PCDHGA4: variants seen among roughly 807,000 people sequenced by gnomAD.
PCDHGA4 encodes the protein protocadherin gamma-A4.
A neutral mutation model predicts 54.6 loss-of-function variants in PCDHGA4; 38 were observed. The ratio of observed to expected loss-of-function variants is 0.70; its 90% CI spans 0.54 to 0.91. The LOEUF is 0.91. Ranked by LOEUF, PCDHGA4 falls within the 40% of genes least tolerant of loss-of-function variation. The probability of loss-of-function intolerance (pLI) is 0.00; values close to 1 mark genes in which losing one functional copy is unlikely to be tolerated. For synonymous variants in PCDHGA4, 511 were observed against 512.9 expected (o/e 1.00, Z 0.05); for missense variants, 1,298 against 1,220.9 (o/e 1.06, Z -0.94).
intron 1 of PCDHGA4, chr5:141,388,157 C>T (rs750936402): frequency 1.4e-6 from 2 of 1,469,104 alleles, no homozygotes; most frequent in Non-Finnish European, 1.9e-6. Flanking sequence ...GCAGGCTAGA[C>T]AGGGAGGAGA....
rs1464961193 is a variant in PCDHGA4 at position 141,432,346 on chromosome 5, A to G, written c.2515-62461A>G. The G allele has an allele frequency of 6.2e-7, 1 of 1,614,192 alleles. No homozygotes were observed. Among genetic ancestry groups the G allele is most frequent in the African/African-American group, 1.3e-5 (1 of 75,054 alleles). On this transcript the variant is annotated intron_variant, in intron 1 of 3. Coordinates refer to ENST00000571252, the MANE Select transcript of PCDHGA4 (RefSeq NM_018917.4). This position sits in a 1 kb window ranked among gnomAD's most constrained non-coding sequence, Gnocchi z 6.0. ...ACTACGAGCAGTTCCGAGACTTGCA[A>G]GTGAAAGTGATGGCGCGGGACAACG...
chr5:141,413,081 C>A, intron 1 of PCDHGA4: 2 of 1,339,424 alleles, frequency 1.5e-6, no homozygotes, highest in Non-Finnish European at 2.0e-6. Context: ...GCCCAGGCTA[C>A]AGAGACACCC....
rs1331251272 is a variant in PCDHGA4 at position 141,394,996 on chromosome 5, C to G, written c.2514+37375C>G. The G allele has an allele frequency of 3.1e-6, 5 of 1,614,034 alleles. No individual in the cohort carries two copies. In the South Asian group the frequency reaches 5.5e-5, roughly 18 times the overall value. On this transcript the variant is annotated intron_variant, in intron 1 of 3. Coordinates refer to ENST00000571252, the MANE Select transcript of PCDHGA4 (RefSeq NM_018917.4). ...CACAAGTCACGCCTGCTCCAGGATTCCGGTGGCAGATTGGTAGGCGTGCCT... is the reference window on the plus strand; with the variant it reads ...CACAAGTCACGCCTGCTCCAGGATTGCGGTGGCAGATTGGTAGGCGTGCCT...
intron 1 of PCDHGA4, chr5:141,384,038 G>C (rs1779701578): frequency 6.2e-7 from 1 of 1,613,110 alleles, no homozygotes; most frequent in East Asian, 2.2e-5. Flanking sequence ...GGAAAGAATG[G>C]TGAGGTGACC....
At chr5:141,396,410 G>C (rs2093377441) in intron 1 of PCDHGA4, 1 of 152,250 alleles carries the variant, frequency 6.6e-6, no homozygotes, top group Non-Finnish European at 1.5e-5. Context: ...CCTGAGGTCA[G>C]GAGTTCAAGA....
At chr5:141,448,663 G>A (rs1195703194) in intron 1 of PCDHGA4, among the ~76,000 whole-genome samples, 3 of 151,920 alleles carry the variant, frequency 2.0e-5, no homozygotes, top group African/African-American at 7.3e-5. Flanking sequence ...CATATTGGCC[G>A]GGCGCGGTGG....
Position 141,432,979 on chromosome 5 carries a change from TGTGGGC to T in PCDHGA4, c.2515-61823_2515-61818del. 1 of 1,614,228 alleles carries T rather than the reference TGTGGGC, an allele frequency of 6.2e-7. No individual in the cohort carries two copies. On this transcript the variant is annotated intron_variant, in intron 1 of 3. Coordinates refer to ENST00000571252, the MANE Select transcript of PCDHGA4 (RefSeq NM_018917.4). The surrounding 1 kb of genome is among the most constrained non-coding windows in gnomAD (Gnocchi z 6.0). ...TGACAGGAGCGCCGGCGTCGCACTTTGTGGGCGTGGACGGGGTGCAGGCTTTCCTGC... is the reference window on the plus strand; with the variant it reads ...TGACAGGAGCGCCGGCGTCGCACTTTGTGGACGGGGTGCAGGCTTTCCTGC...
At chr5:141,394,684 G>C in intron 1 of PCDHGA4, 1 of 1,612,090 alleles carries the variant, frequency 6.2e-7, no homozygotes, top group South Asian at 1.1e-5. Flanking sequence ...CTGCACACGG[G>C]CGAGGTGCGC....
intron 1 of PCDHGA4, among the ~76,000 whole-genome samples, chr5:141,451,542 G>A (rs1023356681): frequency 3.3e-5 from 5 of 152,148 alleles, no homozygotes; most frequent in Non-Finnish European, 7.3e-5. Context: ...GCCAGAGAGG[G>A]CAAATGTGAT....
chr5:141,366,312 C>T (rs889893498), intron 1 of PCDHGA4: 5 of 1,613,630 alleles, frequency 3.1e-6, no homozygotes, highest in Admixed American at 3.3e-5. Flanking sequence ...TTCACGGTCA[C>T]CGTTGCCGTG....
intron 1 of PCDHGA4, chr5:141,397,859 C>T: frequency 1.8e-6 from 1 of 559,674 alleles, no homozygotes. Context: ...CTGTAGTTTC[C>T]TAGTGCTGAC....
At position 141,431,203 on chromosome 5, in the gene PCDHGA4, T is replaced by C. The variant is rs139061906; in HGVS notation, c.2515-63604T>C. On this transcript the variant is annotated intron_variant, in intron 1 of 3. Coordinates refer to ENST00000571252, the MANE Select transcript of PCDHGA4 (RefSeq NM_018917.4). This position sits in a 1 kb window ranked among gnomAD's most constrained non-coding sequence, Gnocchi z 4.8. ...TAAAAATTAGTGAAAATGCAGCCACTGAGATGCGGTTCCCTCTACCCCACG... is the reference window on the plus strand; with the variant it reads ...TAAAAATTAGTGAAAATGCAGCCACCGAGATGCGGTTCCCTCTACCCCACG... The C allele has an allele frequency of 3.1e-6, 5 of 1,614,116 alleles. No individual in the cohort carries two copies. The highest frequency in any genetic ancestry group is 1.1e-5 in the South Asian group (1 of 91,090).
At chr5:141,389,691 T>A in intron 1 of PCDHGA4, 1 of 1,612,564 alleles carries the variant, frequency 6.2e-7, no homozygotes, top group Non-Finnish European at 8.5e-7. Flanking sequence ...CGCCTGGCTG[T>A]CCTACCACGT....
At chr5:141,495,852 TCTCA>T (rs1473070626) in intron 2 of PCDHGA4, among the ~76,000 whole-genome samples, 1 of 152,174 alleles carries the variant, frequency 6.6e-6, no homozygotes, top group Non-Finnish European at 1.5e-5. Flanking sequence ...TTTCTCTGTC[TCTCA>T]CTATTTCTGC....
chr5:141,415,740 GTTTTTTTTTTTTTT>G (rs57426385), intron 1 of PCDHGA4: 52 of 625,016 alleles, frequency 8.3e-5, no homozygotes, highest in East Asian at 4.1e-4. Context: ...GTTTATTAAG[GTTTTTTTTTTTTTT>G]TTTTTTTTTT....
At chr5:141,416,553 ACT>A (rs932477065) in intron 1 of PCDHGA4, 2 of 152,100 alleles carry the variant, frequency 1.3e-5, no homozygotes, top group Non-Finnish European at 2.9e-5. Context: ...AACACCTGAA[ACT>A]CTGAAAACTC....
intron 1 of PCDHGA4, among the ~76,000 whole-genome samples, chr5:141,484,009 T>A (rs1157069536): frequency 7.1e-5 from 1 of 14,094 alleles, no homozygotes; most frequent in African/African-American, 2.8e-4. Flanking sequence ...TGGATGAGGG[T>A]GGGGGTGGGG....
rs761704779 is a variant in PCDHGA4 at position 141,486,764 on chromosome 5, C to T, written c.2515-8043C>T. ...CTTTGACTATGAGCAAACCCAGACA[C>T]TGCAGTTTGAGGTGCAGGCCCGGGA... On this transcript the variant is annotated intron_variant, in intron 1 of 3. Transcript: ENST00000571252. This position sits in a 1 kb window ranked among gnomAD's most constrained non-coding sequence, Gnocchi z 5.0. 6.2e-7 allele frequency: 1 copy of T among 1,614,264 alleles called. No homozygotes were observed. The highest frequency in any genetic ancestry group is 2.2e-5 in the East Asian group (1 of 44,880).
chr5:141,489,935 T>C lies in PCDHGA4; in HGVS notation c.2515-4872T>C. On this transcript the variant is annotated intron_variant, in intron 1 of 3. Coordinates refer to ENST00000571252, the MANE Select transcript of PCDHGA4 (RefSeq NM_018917.4). The surrounding 1 kb of genome is among the most constrained non-coding windows in gnomAD (Gnocchi z 4.5). ...GGGACCACCCTTATCTCTGTCATCG[T>C]GCTGGACATCAATGATAATGCTCCA... 1 of 1,614,216 alleles carries C rather than the reference T, an allele frequency of 6.2e-7. No individual in the cohort carries two copies.
Sources: allele counts gnomAD v4.1 joint callset (sites outside exome capture counted in the v4.1 genomes callset), GRCh38; gene constraint gnomAD v4.1.1; non-coding constraint Gnocchi (gnomAD v3.1); transcripts MANE v1.5; gene names NCBI Gene and HGNC (gene_info 2026-07-23, HGNC 2026-07-21).